Variants in RBM6 observed in about 807,000 individuals in gnomAD.
RBM6 encodes the protein RNA binding motif protein 6, also known as RNA-binding protein 6.
In RBM6, 23 loss-of-function variants were observed where a neutral mutation model predicts 140.4. That is an observed-to-expected ratio of 0.16 (90% CI 0.12 to 0.23). The LOEUF is 0.23. RBM6 is among the 10% of genes least tolerant of loss of function. The probability of loss-of-function intolerance (pLI) is 1.00; values close to 1 mark genes in which losing one functional copy is unlikely to be tolerated. For synonymous variants in RBM6, 439 were observed against 475.6 expected, an observed-to-expected ratio of 0.92 and a Z score of 1.00; for missense variants, 1,139 against 1,386.7, an observed-to-expected ratio of 0.82 and a Z score of 2.84.
chr3:50,071,816 T>G (rs1180037837), intron 19 of RBM6, among the ~76,000 whole-genome samples: 1 of 152,110 alleles, frequency 6.6e-6, no homozygotes, highest in Non-Finnish European at 1.5e-5. Flanking sequence ...CCAGGCGTGG[T>G]GGCTTACGCC....
At chr3:50,057,666 TTTTC>T in intron 8 of RBM6, 58 bp from the exon 9 acceptor site, 1 of 1,461,696 alleles carries the variant, frequency 6.8e-7, no homozygotes, top group Non-Finnish European at 9.2e-7. Flanking sequence ...TAGCAGTGTT[TTTTC>T]TTTTTTTTTT....
chr3:50,059,633 G>A lies in RBM6; in HGVS notation c.2131-16G>A, dbSNP rs566620962. The A allele has an allele frequency of 1.7e-5, 27 of 1,604,812 alleles. No individual in the cohort carries two copies. The East Asian group carries it at 5.4e-4, about 32-fold the overall frequency. ...GCATTTTCTGTCTCTGGGTTCAAGT[G>A]TGTCTGGTTCTATAGGAAGCTCTTC... On this transcript the variant is annotated splice_polypyrimidine_tract_variant and intron_variant, in intron 10 of 20. Transcript: ENST00000266022.
At chr3:50,036,444 C>G (rs2088542522) in intron 6 of RBM6, among the ~76,000 whole-genome samples, 1 of 152,022 alleles carries the variant, frequency 6.6e-6, no homozygotes, top group South Asian at 2.1e-4. Flanking sequence ...CTGGCTTTGT[C>G]TTCTCCCTAA....
intron 1 of RBM6, among the ~76,000 whole-genome samples, chr3:49,946,286 G>T (rs1023505448): frequency 4.0e-5 from 6 of 151,740 alleles, no homozygotes; most frequent in African/African-American, 7.3e-5. Flanking sequence ...TGTCACGCAG[G>T]CTGGAGTGCA....
At chr3:49,961,089 A>AT (rs1185375320) in intron 1 of RBM6, among the ~76,000 whole-genome samples, 1 of 151,460 alleles carries the variant, frequency 6.6e-6, no homozygotes, top group African/African-American at 2.4e-5. Flanking sequence ...TTGTATATAT[A>AT]TTTTTTAAGA....
chr3:50,052,986 G>GGTGTGTGTGTGTGTGT (rs57244510), intron 7 of RBM6, among the ~76,000 whole-genome samples: 3 of 134,748 alleles, frequency 2.2e-5, no homozygotes, highest in African/African-American at 5.5e-5. Flanking sequence ...AGTGGGCAGG[G>GGTGTGTGTGTGTGTGT]GTGTGTGTGT....
chr3:50,022,556 C>G (rs1460131260), intron 6 of RBM6, among the ~76,000 whole-genome samples: 1 of 152,072 alleles, frequency 6.6e-6, no homozygotes, highest in Non-Finnish European at 1.5e-5. Flanking sequence ...TCGCGAACTC[C>G]CGATCTTAGG....
At chr3:49,947,208 A>C (rs2083527679) in intron 1 of RBM6, among the ~76,000 whole-genome samples, 1 of 133,054 alleles carries the variant, frequency 7.5e-6, no homozygotes, top group South Asian at 2.6e-4. Context: ...GCAGAGATTG[A>C]GCCACTGCAC....
chr3:49,998,063 T>C (rs2086164427), intron 5 of RBM6, among the ~76,000 whole-genome samples: 1 of 152,234 alleles, frequency 6.6e-6, no homozygotes, highest in South Asian at 2.1e-4. Flanking sequence ...CTAGTCATTT[T>C]CTGAAACTCA....
intron 5 of RBM6, among the ~76,000 whole-genome samples, chr3:49,980,775 A>AG (rs2085273223): frequency 6.6e-6 from 1 of 151,632 alleles, no homozygotes; most frequent in Admixed American, 6.6e-5. Flanking sequence ...AAAAAAAAAA[A>AG]AAAAAGTTGA....
chr3:50,001,508 T>A (rs2086326556), intron 6 of RBM6, among the ~76,000 whole-genome samples: 1 of 152,184 alleles, frequency 6.6e-6, no homozygotes, highest in African/African-American at 2.4e-5. Context: ...GTATTAGATA[T>A]AAGTAATCTA....
chr3:50,002,260 T>C (rs1387692169), intron 6 of RBM6, among the ~76,000 whole-genome samples: 4 of 149,636 alleles, frequency 2.7e-5, no homozygotes, highest in Non-Finnish European at 1.5e-5. Context: ...GGTAAATTTT[T>C]TTTCTTTTTT....
rs542734328 is a variant in RBM6 at position 50,021,740 on chromosome 3, C to CTTTTTTTTTTTTTTTTTT, written c.1557+22240_1557+22257dup. Among the ~76,000 whole-genome samples the CTTTTTTTTTTTTTTTTTT allele has an allele frequency of 8.7e-4, 37 of 42,752 alleles. 11 individuals are homozygous for CTTTTTTTTTTTTTTTTTT. The highest frequency in any genetic ancestry group is 1.0e-3 in the Non-Finnish European group (25 of 24,470). 28.0% of individuals were successfully genotyped at this position (42,752 alleles called of 152,430 possible). ...ATCTCCATACTGAGGAATTTAAGTG[C>CTTTTTTTTTTTTTTTTTT]TTTTTTTTTTTTTTTTTTTTTTTTT... is the stretch of plus-strand genomic sequence containing the variant. On this transcript the variant is annotated intron_variant, in intron 6 of 20. Transcript: ENST00000266022.
At chr3:49,990,550 AT>A (rs1321661307) in intron 5 of RBM6, among the ~76,000 whole-genome samples, 1 of 152,232 alleles carries the variant, frequency 6.6e-6, no homozygotes, top group Non-Finnish European at 1.5e-5. Context: ...ATAATAGAAA[AT>A]AAAATTTTTC....
At chr3:49,984,349 A>G (rs1559552428) in intron 5 of RBM6, among the ~76,000 whole-genome samples, 2 of 152,264 alleles carry the variant, frequency 1.3e-5, no homozygotes, top group South Asian at 4.1e-4. Flanking sequence ...GCTCACGCCT[A>G]TAATCCTGGT....
Position 50,065,044 on chromosome 3 carries a change from C to A in RBM6, c.2600C>A (p.Ala867Asp). Residue 867 changes from alanine (A) to aspartate (D), a missense_variant, in exon 16 of 21, where the codon GCC becomes GAC. Physicochemically the swap from Ala to Asp is moderately radical, Grantham distance 126 (BLOSUM62 -2). Coordinates refer to ENST00000266022, the MANE Select transcript of RBM6 (RefSeq NM_005777.3). ...TGGTTTGATCAGTTTCAGGAAAATGCCAGTGAAGGGAAGGCCCCTGCAGAA... is the reference window on the plus strand; with the variant it reads ...TGGTTTGATCAGTTTCAGGAAAATGACAGTGAAGGGAAGGCCCCTGCAGAA... ...DRGVTRFQEN[A>D]SEGKAPAEDV... The A allele has an allele frequency of 6.2e-7, 1 of 1,612,762 alleles. No individual in the cohort carries two copies. The highest frequency in any genetic ancestry group is 1.1e-5 in the South Asian group (1 of 91,016).
At chr3:50,072,037 T>A (rs2090316115) in intron 19 of RBM6, among the ~76,000 whole-genome samples, 1 of 133,544 alleles carries the variant, frequency 7.5e-6, no homozygotes, top group South Asian at 2.3e-4. Flanking sequence ...TGAGCTGAGA[T>A]CATGCCACTG....
chr3:50,018,734 G>A (rs2087319084), intron 6 of RBM6, among the ~76,000 whole-genome samples: 1 of 151,584 alleles, frequency 6.6e-6, no homozygotes, highest in African/African-American at 2.4e-5. Context: ...TGGGACTACA[G>A]GTGCATGACC....
intron 6 of RBM6, among the ~76,000 whole-genome samples, chr3:50,005,446 C>T (rs930127037): frequency 6.7e-6 from 1 of 148,974 alleles, no homozygotes; most frequent in South Asian, 2.1e-4. Context: ...TACAGTGAGC[C>T]GTGATTGTGC....
Sources: allele counts gnomAD v4.1 joint callset (sites outside exome capture counted in the v4.1 genomes callset), GRCh38; gene constraint gnomAD v4.1.1; transcripts MANE v1.5; gene names NCBI Gene and HGNC (gene_info 2026-07-23, HGNC 2026-07-21).